Variants in FRS2 observed in about 807,000 individuals in gnomAD.
FRS2 encodes FGFR signalling adaptor.
In FRS2, 8 loss-of-function variants were observed where a neutral mutation model predicts 43.9. The ratio of observed to expected loss-of-function variants is 0.18; its 90% CI spans 0.11 to 0.33. The LOEUF (loss-of-function observed/expected upper bound fraction) is 0.33, where lower values mean the gene tolerates loss of function less well. Among genes scored for constraint, FRS2 ranks in the 10% least tolerant of loss-of-function variants. FRS2 has a pLI of 1.00. For synonymous variants in FRS2, 219 were observed against 220.3 expected, an observed-to-expected ratio of 0.99 and a Z score of 0.05; for missense variants, 534 against 627.6, an observed-to-expected ratio of 0.85 and a Z score of 1.59.
At chr12:69,527,297 C>G (rs191542201) in intron 1 of FRS2, among the ~76,000 whole-genome samples, 1 of 144,700 alleles carries the variant, frequency 6.9e-6, no homozygotes, top group Non-Finnish European at 1.5e-5. Flanking sequence ...TTCATTTGTC[C>G]TCTTGTCTGA....
At chr12:69,517,351 C>G (rs749640669) in intron 1 of FRS2, among the ~76,000 whole-genome samples, 7 of 152,180 alleles carry the variant, frequency 4.6e-5, no homozygotes, top group Admixed American at 2.0e-4. Flanking sequence ...GACTTGGTCT[C>G]ATTCCCAAGA....
chr12:69,536,642 C>T (rs1291142953), intron 3 of FRS2, among the ~76,000 whole-genome samples: 2 of 150,580 alleles, frequency 1.3e-5, no homozygotes, highest in African/African-American at 2.5e-5. Context: ...TGCAGTGGCA[C>T]GATCCTTTAG....
At chr12:69,482,218 A>G (rs1871411080) in intron 1 of FRS2, among the ~76,000 whole-genome samples, 1 of 152,212 alleles carries the variant, frequency 6.6e-6, no homozygotes, top group African/African-American at 2.4e-5. Flanking sequence ...TAGCAAAGGA[A>G]ATTCTAAAGC....
intron 4 of FRS2, among the ~76,000 whole-genome samples, chr12:69,563,483 C>A (rs535143858): frequency 6.6e-6 from 1 of 152,214 alleles, no homozygotes; most frequent in South Asian, 2.1e-4. Context: ...TACTTCTTTC[C>A]TGACTGGATG....
intron 3 of FRS2, among the ~76,000 whole-genome samples, chr12:69,546,573 A>C (rs1298836821): frequency 6.6e-6 from 1 of 151,484 alleles, no homozygotes; most frequent in Non-Finnish European, 1.5e-5. Context: ...TTGTATTTTG[A>C]GTAGAGATGG....
chr12:69,484,124 G>C (rs950374430), intron 1 of FRS2, among the ~76,000 whole-genome samples: 3 of 145,682 alleles, frequency 2.1e-5, no homozygotes, highest in African/African-American at 7.4e-5. Context: ...TCGCTCTGTC[G>C]CCCAGGCTAG....
intron 2 of FRS2, 55 bp from the exon 3 acceptor site, chr12:69,531,959 T>C (rs1030825812): frequency 3.8e-4 from 58 of 152,672 alleles, no homozygotes; most frequent in African/African-American, 1.3e-3. Context: ...ATTTTTCATT[T>C]TTAGTAGACT....
chr12:69,487,034 T>G (rs916964602), intron 1 of FRS2, among the ~76,000 whole-genome samples: 3 of 152,250 alleles, frequency 2.0e-5, no homozygotes, highest in African/African-American at 4.8e-5. Flanking sequence ...TTTATCATTT[T>G]TCTTAGAATT....
At chr12:69,545,897 T>G (rs528355187) in intron 3 of FRS2, among the ~76,000 whole-genome samples, 1 of 152,204 alleles carries the variant, frequency 6.6e-6, no homozygotes, top group East Asian at 1.9e-4. Flanking sequence ...CTGGAGAAAC[T>G]GGATATCTAC....
At chr12:69,476,843 T>G (rs12580408) in intron 1 of FRS2, among the ~76,000 whole-genome samples, 6,733 of 151,946 alleles carry the variant, frequency 0.044, 453 homozygotes, top group East Asian at 0.37. Flanking sequence ...CTTTTGAGTG[T>G]TTTTGGTTGC....
At chr12:69,521,385 C>T (rs537202498) in intron 1 of FRS2, among the ~76,000 whole-genome samples, 2 of 152,190 alleles carry the variant, frequency 1.3e-5, no homozygotes, top group African/African-American at 4.8e-5. Context: ...TATTTGAATG[C>T]CCTTTATTTC....
At chr12:69,554,442 G>A (rs1170424118) in intron 3 of FRS2, among the ~76,000 whole-genome samples, 1 of 152,154 alleles carries the variant, frequency 6.6e-6, no homozygotes, top group Non-Finnish European at 1.5e-5. Context: ...GCTACTGGGT[G>A]TGAAGAGCAA....
intron 4 of FRS2, 147 bp downstream of exon 4, chr12:69,562,421 C>T: frequency 2.6e-6 from 1 of 388,356 alleles, no homozygotes; most frequent in Non-Finnish European, 4.5e-6. Flanking sequence ...CCTCAGCTTC[C>T]CAAAGTGTTA....
intron 3 of FRS2, among the ~76,000 whole-genome samples, chr12:69,560,520 A>G (rs867279468): frequency 2.6e-5 from 4 of 152,206 alleles, no homozygotes; most frequent in Admixed American, 6.5e-5. Context: ...TTGGTGTCAG[A>G]TCAAAATTTA....
At position 69,568,998 on chromosome 12, in the gene FRS2, C is replaced by T. The variant is rs758545723; in HGVS notation, c.-26-7C>T. ...TAATAAATTTTTCCAAATTATTTTTCATGTAGTGCACACATGGTCTTCTGA... is the reference window on the plus strand; with the variant it reads ...TAATAAATTTTTCCAAATTATTTTTTATGTAGTGCACACATGGTCTTCTGA... On this transcript the variant is annotated splice_polypyrimidine_tract_variant and splice_region_variant and intron_variant, in intron 4 of 8. Transcript: ENST00000549921. The T allele has an allele frequency of 2.1e-6, 3 of 1,451,614 alleles. No homozygotes were observed. The highest frequency in any genetic ancestry group is 2.9e-5 in the African/African-American group (2 of 70,094). 89.9% of individuals were successfully genotyped at this position (1,451,614 alleles called of 1,614,324 possible). A position where few individuals can be genotyped will look rare whatever the true frequency, so the allele number is the denominator to read the frequency against.
intron 1 of FRS2, among the ~76,000 whole-genome samples, chr12:69,491,031 C>G (rs983154691): frequency 1.3e-5 from 2 of 152,220 alleles, no homozygotes; most frequent in Non-Finnish European, 2.9e-5. Flanking sequence ...ACCTTTCTGT[C>G]TACTAGGTCC....
intron 1 of FRS2, among the ~76,000 whole-genome samples, chr12:69,473,983 C>T (rs945933648): frequency 2.0e-5 from 3 of 152,302 alleles, no homozygotes; most frequent in Non-Finnish European, 4.4e-5. Flanking sequence ...GCTGGGACTA[C>T]AGGTGCTCAC....
chr12:69,498,064 T>G (rs981437200), intron 1 of FRS2, among the ~76,000 whole-genome samples: 71 of 152,220 alleles, frequency 4.7e-4, no homozygotes, highest in African/African-American at 1.5e-3. Context: ...AAACTTGCTA[T>G]TTTCTCTCAT....
intron 1 of FRS2, among the ~76,000 whole-genome samples, chr12:69,528,769 T>G (rs1191118156): frequency 6.6e-6 from 1 of 152,224 alleles, no homozygotes; most frequent in Non-Finnish European, 1.5e-5. Flanking sequence ...ACAGCTATTT[T>G]GGGCTTGCTC....
Sources: allele counts gnomAD v4.1 joint callset (sites outside exome capture counted in the v4.1 genomes callset), GRCh38; gene constraint gnomAD v4.1.1; transcripts MANE v1.5; gene names NCBI Gene and HGNC (gene_info 2026-07-23, HGNC 2026-07-21).